ZNF385D: variants seen among roughly 807,000 people sequenced by gnomAD.
ZNF385D encodes zinc finger protein 659.
A neutral mutation model predicts 35.8 loss-of-function variants in ZNF385D; 15 were observed. The ratio of observed to expected loss-of-function variants is 0.42; its 90% confidence interval spans 0.28 to 0.64. The LOEUF is 0.64. ZNF385D is among the 30% of genes least tolerant of loss of function. The pLI is 0.23. For missense variants in ZNF385D, 474 were observed against 494.6 expected (o/e 0.96, Z 0.39); for synonymous variants, 212 against 186.8 (o/e 1.13, Z -1.10).
chr3:21,763,492 T>A lies in ZNF385D; in HGVS notation c.326-98464A>T, dbSNP rs539514392. 2.2e-4 allele frequency among the ~76,000 whole-genome samples: 33 copies of A among 152,314 alleles called. 1 individual carries two copies. In the South Asian group the frequency reaches 6.0e-3, roughly 28 times the overall value. On this transcript the variant is annotated intron_variant, in intron 3 of 5. Transcript: ENST00000494108. The stretch of plus-strand genomic sequence containing the variant: ...TCAGCTTTGAGAAACTTCCATAGTA[T>A]TGGTGTTTAAAACTTCTTGAGAAAT...
At chr3:21,493,641 T>C (rs1705598091) in intron 4 of ZNF385D, among the ~76,000 whole-genome samples, 1 of 151,934 alleles carries the variant, frequency 6.6e-6, no homozygotes, top group African/African-American at 2.4e-5. Context: ...TTTTTTCTTT[T>C]TTTTTTTGAG....
chr3:22,133,207 G>T (rs970357653), intron 3 of ZNF385D, among the ~76,000 whole-genome samples: 1 of 152,078 alleles, frequency 6.6e-6, no homozygotes, highest in Non-Finnish European at 1.5e-5. Context: ...AATATCTCCA[G>T]CTTTGGGAAA....
intron 3 of ZNF385D, among the ~76,000 whole-genome samples, chr3:22,105,104 T>G (rs1021969861): frequency 6.6e-6 from 1 of 152,156 alleles, no homozygotes; most frequent in Non-Finnish European, 1.5e-5. Context: ...AAGATAAGTA[T>G]TCACTTTTAC....
intron 3 of ZNF385D, among the ~76,000 whole-genome samples, chr3:22,148,747 C>T (rs1356005330): frequency 3.3e-5 from 5 of 152,144 alleles, no homozygotes; most frequent in Non-Finnish European, 5.9e-5. Flanking sequence ...AGCAGTACTA[C>T]CTGACTATCT....
chr3:21,567,558 A>G (rs756220627), intron 2 of ZNF385D, among the ~76,000 whole-genome samples: 4 of 152,110 alleles, frequency 2.6e-5, no homozygotes, highest in Non-Finnish European at 4.4e-5. Flanking sequence ...TTTTCCCTTC[A>G]GCCACCAGCT....
chr3:22,363,934 C>T lies in ZNF385D; in HGVS notation c.106+8516G>A, dbSNP rs530343480. ...TGAAGCAGGACATTTTGGCATCTTA[C>T]CTTCTCCCTCAACATTAGCCACAAT... is the stretch of plus-strand genomic sequence containing the variant. On this transcript the variant is annotated intron_variant, in intron 2 of 5. Coordinates refer to the ZNF385D transcript ENST00000494108. 5.4e-4 allele frequency among the ~76,000 whole-genome samples: 82 copies of T among 152,224 alleles called. 1 individual carries two copies. Among genetic ancestry groups the T allele is most frequent in the African/African-American group, 1.9e-3 (79 of 41,564 alleles).
intron 2 of ZNF385D, among the ~76,000 whole-genome samples, chr3:22,176,117 T>A (rs1217668074): frequency 6.6e-6 from 1 of 151,900 alleles, no homozygotes; most frequent in South Asian, 2.1e-4. Flanking sequence ...ATCTGGAAAT[T>A]CCCAAGACAT....
At chr3:22,123,954 CTCTCTCTCTATATATA>C (rs1479837706) in intron 3 of ZNF385D, among the ~76,000 whole-genome samples, 344 of 93,728 alleles carry the variant, frequency 3.7e-3, no homozygotes, top group Non-Finnish European at 5.4e-3. Context: ...CTCTCTCTCT[CTCTCTCTCTATATATA>C]TATATATATA....
intron 3 of ZNF385D, among the ~76,000 whole-genome samples, chr3:22,112,906 A>G (rs1702612398): frequency 6.6e-6 from 1 of 152,164 alleles, no homozygotes; most frequent in Non-Finnish European, 1.5e-5. Context: ...CCAGAGATGA[A>G]CAAATGACAG....
chr3:21,859,401 G>T (rs1412084351), intron 3 of ZNF385D, among the ~76,000 whole-genome samples: 2 of 147,732 alleles, frequency 1.4e-5, no homozygotes, highest in Non-Finnish European at 3.0e-5. Context: ...TCTTTGGAAA[G>T]TAACAGAAAA....
intron 3 of ZNF385D, among the ~76,000 whole-genome samples, chr3:21,544,715 A>G (rs2062309998): frequency 6.6e-6 from 1 of 152,226 alleles, no homozygotes; most frequent in African/African-American, 2.4e-5. Context: ...AAGATTCATG[A>G]AAGGTTTTTG....
Position 21,420,588 on chromosome 3 carries a change from A to G in ZNF385D, c.*626T>C, listed in dbSNP as rs1444247854. The stretch of plus-strand genomic sequence containing the variant: ...GTGTATGTTTATTTTTTGACTGCTT[A>G]TTGGTATGAAATAGTTGTTCATTCT... On this transcript the variant is annotated 3_prime_UTR_variant, in exon 8 of 8. Transcript: ENST00000281523. 3 of 152,198 alleles carry G rather than the reference A, an allele frequency of 2.0e-5. No individual in the cohort carries two copies. Among genetic ancestry groups the G allele is most frequent in the African/African-American group, 7.2e-5 (3 of 41,444 alleles). The allele number at this position is 152,198 out of a possible 1,614,324, so 9.4% of individuals were successfully genotyped here.
chr3:22,168,806 G>A, intron 3 of ZNF385D: 8 of 985,348 alleles, frequency 8.1e-6, no homozygotes, highest in Non-Finnish European at 9.6e-6. Flanking sequence ...AATATTTTTA[G>A]AAAAGCTTAC....
chr3:21,821,746 A>G (rs1174810502), intron 3 of ZNF385D, among the ~76,000 whole-genome samples: 3 of 152,042 alleles, frequency 2.0e-5, no homozygotes, highest in Non-Finnish European at 4.4e-5. Flanking sequence ...GGACCATGTC[A>G]GCTCAGGAGT....
intron 1 of ZNF385D, among the ~76,000 whole-genome samples, chr3:21,720,093 C>G (rs1242272813): frequency 6.6e-6 from 1 of 152,166 alleles, no homozygotes; most frequent in Non-Finnish European, 1.5e-5. Flanking sequence ...GTTCTCACCT[C>G]TAGAGAATCT....
At chr3:22,057,807 C>T (rs1003077085) in intron 3 of ZNF385D, among the ~76,000 whole-genome samples, 1 of 152,108 alleles carries the variant, frequency 6.6e-6, no homozygotes, top group Non-Finnish European at 1.5e-5. Flanking sequence ...AGCCACTGTG[C>T]CCGGCCTCAC....
At chr3:21,845,160 C>T (rs909125538) in intron 3 of ZNF385D, among the ~76,000 whole-genome samples, 6 of 152,068 alleles carry the variant, frequency 3.9e-5, no homozygotes, top group African/African-American at 1.2e-4. Context: ...TCTACTTCTA[C>T]GAATGCCAGA....
At chr3:21,797,738 G>A (rs570862703) in intron 3 of ZNF385D, among the ~76,000 whole-genome samples, 6 of 152,172 alleles carry the variant, frequency 3.9e-5, no homozygotes, top group South Asian at 4.1e-4. Context: ...CAAGTGAAAC[G>A]AGCAAATTTG....
intron 1 of ZNF385D, among the ~76,000 whole-genome samples, chr3:21,692,850 G>A (rs930416411): frequency 2.0e-5 from 3 of 152,102 alleles, no homozygotes; most frequent in African/African-American, 7.2e-5. Context: ...CCATGTCTTT[G>A]TCTGAGCTAC....
Sources: allele counts gnomAD v4.1 joint callset (sites outside exome capture counted in the v4.1 genomes callset), GRCh38; gene constraint gnomAD v4.1.1; transcripts MANE v1.5; gene names NCBI Gene and HGNC (gene_info 2026-07-23, HGNC 2026-07-21).